The following TRAK1 variants were observed in gnomAD, a reference collection of about 807,000 sequenced individuals.
TRAK1 encodes trafficking kinesin-binding protein 1.
TRAK1 carries 33 observed loss-of-function variants against 92.1 expected under a neutral mutation model. That is an observed-to-expected ratio of 0.36 (90% CI 0.27 to 0.48). TRAK1 has a LOEUF of 0.48. Among genes scored for constraint, TRAK1 ranks in the 20% least tolerant of loss-of-function variants. TRAK1 has a pLI of 0.99. For missense variants in TRAK1, 1,123 were observed against 1,257.9 expected, an observed-to-expected ratio of 0.89 and a Z score of 1.62; for synonymous variants, 521 against 517.3, an observed-to-expected ratio of 1.01 and a Z score of -0.10.
At chr3:42,217,168 T>C (rs1218163044) in intron 14 of TRAK1, 8 of 854,510 alleles carry the variant, frequency 9.4e-6, no homozygotes, top group Non-Finnish European at 1.1e-5. Flanking sequence ...GCCCGTTGCT[T>C]CTCTGTAGCA....
At chr3:42,079,589 C>T (rs564811329) in intron 1 of TRAK1, among the ~76,000 whole-genome samples, 5 of 150,628 alleles carry the variant, frequency 3.3e-5, no homozygotes, top group South Asian at 4.2e-4. Context: ...AAGCAATTCT[C>T]CTGCCTCAAC....
intron 1 of TRAK1, among the ~76,000 whole-genome samples, chr3:42,123,200 C>T (rs1444325037): frequency 6.6e-6 from 1 of 152,112 alleles, no homozygotes; most frequent in South Asian, 2.1e-4. Flanking sequence ...CTCACGAATC[C>T]GTATTTTTTT....
intron 1 of TRAK1, among the ~76,000 whole-genome samples, chr3:42,094,170 A>T (rs918040490): frequency 2.0e-5 from 3 of 152,148 alleles, no homozygotes; most frequent in African/African-American, 7.2e-5. Flanking sequence ...CTGTTGTAGG[A>T]ACGTTGACTG....
At chr3:42,140,581 C>T (rs764986814) in intron 2 of TRAK1, among the ~76,000 whole-genome samples, 10 of 152,136 alleles carry the variant, frequency 6.6e-5, no homozygotes, top group African/African-American at 1.2e-4. Context: ...GAGCCGAGAT[C>T]GCACCGCTGC....
chr3:42,092,542 G>A (rs539650547), intron 1 of TRAK1, among the ~76,000 whole-genome samples: 2 of 152,278 alleles, frequency 1.3e-5, no homozygotes, highest in Non-Finnish European at 1.5e-5. Context: ...TGCCCTCAGA[G>A]CACAGAGGTG....
At chr3:42,170,852 C>T (rs1337150909) in intron 2 of TRAK1, among the ~76,000 whole-genome samples, 1 of 146,510 alleles carries the variant, frequency 6.8e-6, no homozygotes, top group Admixed American at 6.9e-5. Context: ...GAGACAGAGT[C>T]TTGCTCTGTC....
At chr3:42,077,630 A>G (rs992925452) in intron 1 of TRAK1, among the ~76,000 whole-genome samples, 2 of 152,204 alleles carry the variant, frequency 1.3e-5, no homozygotes, top group East Asian at 3.9e-4. Flanking sequence ...TCTTTCAGCA[A>G]TGTTTCATAA....
chr3:42,014,418 C>G (rs1701436030), intron 1 of TRAK1, among the ~76,000 whole-genome samples: 1 of 152,186 alleles, frequency 6.6e-6, no homozygotes, highest in Non-Finnish European at 1.5e-5. Context: ...GCGGGCAGCA[C>G]CCCGATTCCC....
At chr3:42,142,555 C>A (rs1698811167) in intron 2 of TRAK1, among the ~76,000 whole-genome samples, 1 of 152,190 alleles carries the variant, frequency 6.6e-6, no homozygotes, top group Admixed American at 6.5e-5. Flanking sequence ...GTTCTTGATA[C>A]TTGCTTCCTC....
chr3:42,215,074 G>A (rs771515293), intron 14 of TRAK1, among the ~76,000 whole-genome samples: 5 of 152,164 alleles, frequency 3.3e-5, no homozygotes, highest in Non-Finnish European at 4.4e-5. Context: ...ATGATGACTC[G>A]TAGGGCAAAC....
intron 1 of TRAK1, among the ~76,000 whole-genome samples, chr3:42,046,876 T>C (rs1442633206): frequency 6.6e-6 from 1 of 152,184 alleles, no homozygotes; most frequent in Non-Finnish European, 1.5e-5. Context: ...TTATTGATTC[T>C]GGATTTCATG....
chr3:42,210,899 A>G, intron 14 of TRAK1: 1 of 985,344 alleles, frequency 1.0e-6, no homozygotes, highest in Non-Finnish European at 1.2e-6. Context: ...AATTACCCAC[A>G]TTCCAGTTGC....
chr3:42,092,480 G>C (rs1171420762), intron 1 of TRAK1, among the ~76,000 whole-genome samples: 1 of 152,184 alleles, frequency 6.6e-6, no homozygotes, highest in Non-Finnish European at 1.5e-5. Flanking sequence ...CCCAGGGCCA[G>C]GTTTTTACTG....
At chr3:42,040,154 AT>A (rs1408870326) in intron 1 of TRAK1, among the ~76,000 whole-genome samples, 1 of 151,610 alleles carries the variant, frequency 6.6e-6, no homozygotes, top group Non-Finnish European at 1.5e-5. Context: ...CACTTTTTTG[AT>A]GGTATCATTT....
At chr3:42,186,516 A>G (rs993904962) in intron 4 of TRAK1, among the ~76,000 whole-genome samples, 4 of 152,224 alleles carry the variant, frequency 2.6e-5, no homozygotes, top group Admixed American at 6.5e-5. Flanking sequence ...GGAGAAATAA[A>G]GTGATTCGTG....
intron 1 of TRAK1, among the ~76,000 whole-genome samples, chr3:42,110,094 G>GTATATATATATATATATATATATATA (rs375315730): frequency 4.4e-4 from 37 of 83,224 alleles, no homozygotes; most frequent in East Asian, 6.3e-4. Flanking sequence ...AGAACTTAAA[G>GTATATATATATATATATATATATATA]TATATATATA....
Position 42,091,559 on chromosome 3 carries a change from T to C in TRAK1, c.90T>C (p.Cys30=). 2 of 1,611,318 alleles carry C rather than the reference T, an allele frequency of 1.2e-6. No homozygotes were observed. The highest frequency in any genetic ancestry group is 1.7e-4 in the Middle Eastern group (1 of 6,050). Residue 30 remains cysteine, a splice_region_variant and synonymous_variant, in exon 1 of 16, where the codon TGT becomes TGC. Coordinates refer to ENST00000327628, the MANE Select transcript of TRAK1 (RefSeq NM_001042646.3). ...GCAAGCTCATTCGGACAAACGCCTG[T>C]GGTAAGTTTGTTTGCCAGGTCTGTC... ...CHGKLIRTNA[C]DVCNSTDLPE... is the part of the protein sequence containing the mutation.
intron 1 of TRAK1, among the ~76,000 whole-genome samples, chr3:42,106,897 T>G (rs1357859699): frequency 6.6e-6 from 1 of 152,368 alleles, no homozygotes; most frequent in African/African-American, 2.4e-5. Flanking sequence ...GGAAATAATT[T>G]AGATTAACAA....
intron 1 of TRAK1, among the ~76,000 whole-genome samples, chr3:42,104,794 C>T (rs1231992933): frequency 6.6e-6 from 1 of 152,216 alleles, no homozygotes; most frequent in African/African-American, 2.4e-5. Context: ...ACCTCTTCTC[C>T]TCCAAAGGAA....
Sources: allele counts gnomAD v4.1 joint callset (sites outside exome capture counted in the v4.1 genomes callset), GRCh38; gene constraint gnomAD v4.1.1; transcripts MANE v1.5; gene names NCBI Gene and HGNC (gene_info 2026-07-23, HGNC 2026-07-21).